PGLYRP3: variants seen among roughly 807,000 people sequenced by gnomAD.
PGLYRP3 encodes peptidoglycan recognition protein 3, also known as peptidoglycan recognition protein I alpha.
Under a neutral mutation model 36.0 loss-of-function variants are expected in PGLYRP3, and 39 were observed. The ratio of observed to expected loss-of-function variants is 1.08; its 90% CI spans 0.84 to 1.41. The LOEUF (loss-of-function observed/expected upper bound fraction) is 1.41, where lower values mean the gene tolerates loss of function less well. PGLYRP3 is among the 40% of genes most tolerant of loss of function. The pLI is 0.00. For synonymous variants in PGLYRP3, 204 were observed against 172.8 expected (o/e 1.18, Z -1.42); for missense variants, 407 against 427.9 (o/e 0.95, Z 0.43).
rs12127904 is a variant in PGLYRP3 at position 153,303,425 on chromosome 1, A to G, written c.529+432T>C. On this transcript the variant is annotated intron_variant, in intron 5 of 7. Transcript: ENST00000683862. ...TACATGTTAATCCCACTCCATTCCC[A>G]CTCTATTTTTCTCCATAGCTTTTAT... 6.3e-3 allele frequency among the ~76,000 whole-genome samples: 951 copies of G among 151,522 alleles called. 10 individuals carry two copies. Among genetic ancestry groups the G allele is most frequent in the Non-Finnish European group, 7.6e-3 (516 of 67,878 alleles).
chr1:153,297,557 AAGAAAAAGAAAGAAAGAAAGAAAGAAG>A lies in PGLYRP3; in HGVS notation c.*372_*398del, dbSNP rs1303458506. Among the ~76,000 whole-genome samples, 2 of 82,734 alleles carry A rather than the reference AAGAAAAAGAAAGAAAGAAAGAAAGAAG, an allele frequency of 2.4e-5. No individual in the cohort carries two copies. Among genetic ancestry groups the A allele is most frequent in the Non-Finnish European group, 5.7e-5 (2 of 35,212 alleles). 54.3% of individuals were successfully genotyped at this position (82,734 alleles called of 152,430 possible). Reference sequence around the variant, plus strand: ...AAGGAAGGAAGGAAGGAAGGAAAGAAAGAAAAAGAAAGAAAGAAAGAAAGAAGAAAGAAAGAAAGAAAGAAAGAGAAA... The same window carrying A: ...AAGGAAGGAAGGAAGGAAGGAAAGAAAAAGAAAGAAAGAAAGAAAGAGAAA... On this transcript the variant is annotated 3_prime_UTR_variant, in exon 8 of 8. Transcript: ENST00000683862.
chr1:153,306,330 A>T (rs929252869), intron 3 of PGLYRP3, among the ~76,000 whole-genome samples: 3 of 152,070 alleles, frequency 2.0e-5, no homozygotes, highest in Non-Finnish European at 4.4e-5. Context: ...CTCCTTCTAC[A>T]TGTGTCTCCT....
intron 1 of PGLYRP3, among the ~76,000 whole-genome samples, chr1:153,311,153 GC>G (rs1557813363): frequency 6.6e-6 from 1 of 151,922 alleles, no homozygotes; most frequent in Admixed American, 6.6e-5. Flanking sequence ...GCTTGGCTTC[GC>G]CCCCTGCACC....
At chr1:153,310,734 A>G in intron 1 of PGLYRP3, 28 bp from the exon 2 acceptor site, 2 of 1,366,440 alleles carry the variant, frequency 1.5e-6, no homozygotes, top group Non-Finnish European at 2.1e-6. Context: ...AGTTAACACA[A>G]CCATGCTAAC....
chr1:153,307,516 C>T (rs922068643), intron 2 of PGLYRP3, among the ~76,000 whole-genome samples: 1 of 152,136 alleles, frequency 6.6e-6, no homozygotes, highest in African/African-American at 2.4e-5. Context: ...CCTTGTCTTT[C>T]CCTGAAGGGC....
chr1:153,304,889 TG>T, intron 4 of PGLYRP3, 57 bp downstream of exon 4: 1 of 1,283,566 alleles, frequency 7.8e-7, no homozygotes, highest in Non-Finnish European at 1.1e-6. Context: ...CCCTTGGGAG[TG>T]GAGGAAGAGA....
chr1:153,307,284 AGAATG>A lies in PGLYRP3; in HGVS notation c.56-22_56-18del. On this transcript the variant is annotated intron_variant, in intron 2 of 7. Coordinates refer to ENST00000683862, the MANE Select transcript of PGLYRP3 (RefSeq NM_052891.3). ...TGGGAGTATCTGTAGGGAAGACCAC[AGAATG>A]GCACATAGCAGGCCCTGCCCATCTT... is the stretch of plus-strand genomic sequence containing the variant. The A allele has an allele frequency of 6.3e-7, 1 of 1,576,384 alleles. No individual in the cohort carries two copies. Among genetic ancestry groups the A allele is most frequent in the Non-Finnish European group, 8.6e-7 (1 of 1,160,988 alleles).
chr1:153,301,524 T>C (rs1487766325), intron 6 of PGLYRP3, among the ~76,000 whole-genome samples: 1 of 152,222 alleles, frequency 6.6e-6, no homozygotes, highest in African/African-American at 2.4e-5. Flanking sequence ...ATGTGGAATT[T>C]CCAGATTTTT....
intron 7 of PGLYRP3, 34 bp downstream of exon 7, chr1:153,299,079 C>G: frequency 6.4e-7 from 1 of 1,568,100 alleles, no homozygotes; most frequent in South Asian, 1.1e-5. Context: ...TCCTTCAACC[C>G]CCAGCACCCC....
intron 6 of PGLYRP3, among the ~76,000 whole-genome samples, chr1:153,300,059 C>T (rs1659546462): frequency 6.6e-6 from 1 of 152,176 alleles, no homozygotes; most frequent in African/African-American, 2.4e-5. Context: ...CCCAAATAGT[C>T]TGCAGCTGCC....
chr1:153,298,429 C>A (rs1314824126), intron 7 of PGLYRP3, among the ~76,000 whole-genome samples: 3 of 151,958 alleles, frequency 2.0e-5, no homozygotes, highest in Non-Finnish European at 4.4e-5. Flanking sequence ...GCCAAGCAGG[C>A]GGATCACGAG....
At chr1:153,311,106 T>C (rs1557813339) in intron 1 of PGLYRP3, among the ~76,000 whole-genome samples, 1 of 152,078 alleles carries the variant, frequency 6.6e-6, no homozygotes, top group East Asian at 1.9e-4. Context: ...GGTAAGAACA[T>C]TGAGGCTCAG....
At chr1:153,312,350 T>C (rs950597031) in intron 1 of PGLYRP3, among the ~76,000 whole-genome samples, 2 of 152,138 alleles carry the variant, frequency 1.3e-5, no homozygotes, top group African/African-American at 2.4e-5. Context: ...AAGTGAGACA[T>C]AATAGATAAG....
Position 153,297,336 on chromosome 1 carries a change from G to A in PGLYRP3, c.*620C>T, listed in dbSNP as rs760968284. 2.0e-5 allele frequency among the ~76,000 whole-genome samples: 3 copies of A among 150,874 alleles called. No homozygotes were observed. The highest frequency in any genetic ancestry group is 2.9e-5 in the Non-Finnish European group (2 of 67,824). ...TGCATCCAAATATGTACCAGTCCATGTGTGAGCAGAGAGGGGGGGTGGGCA... is the reference window on the plus strand; with the variant it reads ...TGCATCCAAATATGTACCAGTCCATATGTGAGCAGAGAGGGGGGGTGGGCA... On this transcript the variant is annotated 3_prime_UTR_variant, in exon 8 of 8. Coordinates refer to ENST00000683862, the MANE Select transcript of PGLYRP3 (RefSeq NM_052891.3).
intron 6 of PGLYRP3, among the ~76,000 whole-genome samples, chr1:153,299,648 A>G (rs1248058142): frequency 6.6e-6 from 1 of 151,882 alleles, no homozygotes; most frequent in Non-Finnish European, 1.5e-5. Flanking sequence ...ACCTTCCTCA[A>G]ACATGGTGCT....
chr1:153,298,348 A>G (rs1030618168), intron 7 of PGLYRP3, among the ~76,000 whole-genome samples: 5 of 152,140 alleles, frequency 3.3e-5, no homozygotes, highest in African/African-American at 1.2e-4. Context: ...AGTTTCTTCC[A>G]GAAGGTTAAA....
Position 153,302,392 on chromosome 1 carries a change from G to T in PGLYRP3, c.728+17C>A. On this transcript the variant is annotated intron_variant, in intron 6 of 7. Transcript: ENST00000683862. ...CCTGAAGAAAAAGAGGGTTCTTTTG[G>T]CATTGATCCCACTTACTGATATCCA... 1.2e-6 allele frequency: 2 copies of T among 1,612,166 alleles called. No individual in the cohort carries two copies. The highest frequency in any genetic ancestry group is 1.1e-5 in the South Asian group (1 of 90,988).
chr1:153,307,196 G>T lies in PGLYRP3; in HGVS notation c.127C>A (p.Pro43Thr). 1 of 1,611,994 alleles carries T rather than the reference G, an allele frequency of 6.2e-7. No homozygotes were observed. Among genetic ancestry groups the T allele is most frequent in the African/African-American group, 1.3e-5 (1 of 75,020 alleles). ...TGGTCTGTGATGATGTAGGCCACAG[G>T]CAGGGTCAGCAGGGCCCTGCAGGCG... Reference protein sequence around the residue: ...PLACRALLTLPVAYIITDQLP... With the variant: ...PLACRALLTLTVAYIITDQLP... Residue 43 changes from proline (P) to threonine (T), a missense_variant, in exon 3 of 8, where the codon CCT becomes ACT. By Grantham distance (38) the Pro-to-Thr change is conservative. Coordinates refer to ENST00000683862, the MANE Select transcript of PGLYRP3 (RefSeq NM_052891.3).
rs544973854 is a variant in PGLYRP3, at chr1:153,306,850, C to T, written c.257+216G>A. On this transcript the variant is annotated intron_variant, in intron 3 of 7. Transcript: ENST00000683862. The stretch of plus-strand genomic sequence containing the variant: ...AACCTTCCTTGCTTTTTCACAGGAG[C>T]ACCAGAATCGAAAGCCACTTAAATA... 1.1e-4 allele frequency among the ~76,000 whole-genome samples: 16 copies of T among 152,262 alleles called. No individual in the cohort carries two copies. The South Asian group carries it at 3.3e-3, about 32-fold the overall frequency.
Sources: allele counts gnomAD v4.1 joint callset (sites outside exome capture counted in the v4.1 genomes callset), GRCh38; gene constraint gnomAD v4.1.1; transcripts MANE v1.5; gene names NCBI Gene and HGNC (gene_info 2026-07-23, HGNC 2026-07-21).